Variants in DPH6 observed in about 807,000 individuals in gnomAD.
The protein encoded by DPH6 is diphthine--ammonia ligase.
Under a neutral mutation model 38.2 loss-of-function variants are expected in DPH6, and 33 were observed. That is an observed-to-expected ratio of 0.86 (90% CI 0.65 to 1.15). The LOEUF (loss-of-function observed/expected upper bound fraction) is 1.15, where lower values mean the gene tolerates loss of function less well. DPH6 is among the 50% of genes most tolerant of loss of function. The pLI, the probability that DPH6 is intolerant of heterozygous loss-of-function variation, is 0.00. For synonymous variants in DPH6, 108 were observed against 103.0 expected (o/e 1.05, Z -0.30); for missense variants, 325 against 320.0 (o/e 1.02, Z -0.12).
intron 6 of DPH6, among the ~76,000 whole-genome samples, chr15:35,405,197 T>C (rs893830342): frequency 5.9e-5 from 9 of 151,860 alleles, no homozygotes; most frequent in Non-Finnish European, 1.0e-4. Flanking sequence ...TCTGGGTCTT[T>C]TGGGATTCCA....
chr15:35,226,250 T>C (rs569452866), intron 3 of DPH6, among the ~76,000 whole-genome samples: 3 of 152,370 alleles, frequency 2.0e-5, no homozygotes, highest in African/African-American at 7.2e-5. Flanking sequence ...TAGTGTAGTA[T>C]GGTGATAGCT....
chr15:35,498,079 A>C (rs1052805559), intron 3 of DPH6, among the ~76,000 whole-genome samples: 1 of 152,184 alleles, frequency 6.6e-6, no homozygotes, highest in Admixed American at 6.5e-5. Flanking sequence ...TATGCACAGC[A>C]CTATGCAAGT....
chr15:35,374,099 T>C (rs368096759), intron 7 of DPH6, among the ~76,000 whole-genome samples: 11 of 152,054 alleles, frequency 7.2e-5, no homozygotes, highest in Admixed American at 7.2e-4. Flanking sequence ...TCATTGCTAT[T>C]AAAATTGATT....
At chr15:35,244,188 T>A (rs1218031893) in intron 3 of DPH6, among the ~76,000 whole-genome samples, 1 of 152,250 alleles carries the variant, frequency 6.6e-6, no homozygotes, top group African/African-American at 2.4e-5. Flanking sequence ...TGAGTCAATC[T>A]AAAATGAGAA....
intron 5 of DPH6, among the ~76,000 whole-genome samples, chr15:35,436,085 G>A (rs990323056): frequency 1.4e-4 from 22 of 152,000 alleles, no homozygotes; most frequent in African/African-American, 5.3e-4. Context: ...GGCCCTGCAC[G>A]TCCAGCTGAG....
At chr15:35,521,658 TA>T (rs1361460720) in intron 3 of DPH6, 1 of 1,230,590 alleles carries the variant, frequency 8.1e-7, no homozygotes, top group Non-Finnish European at 1.0e-6. Context: ...GCAGGATATT[TA>T]ACTAGATATT....
intron 6 of DPH6, among the ~76,000 whole-genome samples, chr15:35,402,671 A>G (rs983353446): frequency 6.6e-6 from 1 of 152,136 alleles, no homozygotes; most frequent in Admixed American, 6.5e-5. Context: ...ATTATAATTT[A>G]AAAATTCTAC....
At chr15:35,537,348 G>C (rs909638938) in intron 3 of DPH6, among the ~76,000 whole-genome samples, 4 of 152,056 alleles carry the variant, frequency 2.6e-5, no homozygotes, top group Non-Finnish European at 4.4e-5. Flanking sequence ...AAAATGGCAA[G>C]ACATCAAGAA....
intron 6 of DPH6, among the ~76,000 whole-genome samples, chr15:35,386,562 T>C (rs904382056): frequency 2.0e-4 from 31 of 152,338 alleles, no homozygotes; most frequent in Non-Finnish European, 3.5e-4. Flanking sequence ...TGGTATCTCA[T>C]TGTGGTTTTG....
chr15:35,356,626 C>G (rs1020589267), intron 3 of DPH6, among the ~76,000 whole-genome samples: 4 of 152,146 alleles, frequency 2.6e-5, no homozygotes, highest in African/African-American at 9.7e-5. Context: ...ATGTTGCTGC[C>G]TGATCATTCC....
At chr15:35,226,227 G>A (rs2051480033) in intron 3 of DPH6, among the ~76,000 whole-genome samples, 3 of 152,142 alleles carry the variant, frequency 2.0e-5, no homozygotes, top group Non-Finnish European at 4.4e-5. Context: ...TCTGCAATCT[G>A]GAACAGGCAT....
intron 3 of DPH6, among the ~76,000 whole-genome samples, chr15:35,354,086 ATTAT>A (rs2052538986): frequency 6.6e-6 from 1 of 151,872 alleles, no homozygotes; most frequent in Non-Finnish European, 1.5e-5. Context: ...CTGTTTGTCT[ATTAT>A]TGGTGTATAA....
At chr15:35,217,772 T>C (rs534953413) in exon 4 of DPH6, 1 of 152,324 alleles carries the variant, frequency 6.6e-6, no homozygotes, top group East Asian at 1.9e-4. Flanking sequence ...CAAAGCCACA[T>C]AGCAGGAGAA....
intron 8 of DPH6, among the ~76,000 whole-genome samples, chr15:35,373,215 G>A (rs1460972228): frequency 1.7e-4 from 26 of 151,590 alleles, no homozygotes; most frequent in Admixed American, 1.7e-3. Flanking sequence ...ACTTAAATGT[G>A]ATCCTGCTAG....
chr15:35,277,207 T>A (rs949375458), intron 3 of DPH6, among the ~76,000 whole-genome samples: 17 of 152,318 alleles, frequency 1.1e-4, no homozygotes, highest in African/African-American at 4.1e-4. Flanking sequence ...GTTGAATTCT[T>A]GATTTGATTC....
intron 5 of DPH6, among the ~76,000 whole-genome samples, chr15:35,438,304 C>A (rs1274561684): frequency 1.3e-5 from 2 of 152,018 alleles, no homozygotes; most frequent in Non-Finnish European, 2.9e-5. Context: ...TTCGTCCAGG[C>A]TGGAGTGCAG....
At chr15:35,486,717 AT>A (rs1292534086) in intron 3 of DPH6, among the ~76,000 whole-genome samples, 4 of 152,128 alleles carry the variant, frequency 2.6e-5, no homozygotes, top group African/African-American at 9.7e-5. Context: ...TCCTTCTCAC[AT>A]TTCAAAACCA....
At chr15:35,295,518 C>T (rs1369559914) in intron 3 of DPH6, among the ~76,000 whole-genome samples, 1 of 152,144 alleles carries the variant, frequency 6.6e-6, no homozygotes, top group Non-Finnish European at 1.5e-5. Context: ...CAGACTACAC[C>T]ACCACTTTCA....
chr15:35,389,723 G>A (rs1471139177), intron 6 of DPH6, among the ~76,000 whole-genome samples: 1 of 151,952 alleles, frequency 6.6e-6, no homozygotes, highest in African/African-American at 2.4e-5. Context: ...TTTATTTTGA[G>A]CCTGTGTGTG....
Sources: gnomAD v4.1 joint callset for allele counts (sites outside exome capture counted in the v4.1 genomes callset) on GRCh38, gnomAD v4.1.1 for gene constraint, MANE v1.5 for transcripts, NCBI Gene and HGNC (gene_info 2026-07-23, HGNC 2026-07-21) for gene names.